Variants in AFF3 observed in about 807,000 individuals in gnomAD.
AFF3 encodes ALF transcription elongation factor 3.
In AFF3, 32 loss-of-function variants were observed where a neutral mutation model predicts 129.7. The observed-to-expected ratio is 0.25, with a 90% CI of 0.19 to 0.33. The LOEUF is 0.33. AFF3 is among the 10% of genes least tolerant of loss of function. The probability of loss-of-function intolerance (pLI) is 1.00; values close to 1 mark genes in which losing one functional copy is unlikely to be tolerated. For synonymous variants in AFF3, 644 were observed against 635.4 expected (o/e 1.01, Z -0.20); for missense variants, 1,373 against 1,592.0 (o/e 0.86, Z 2.34).
At chr2:99,751,255 G>A (rs1476401595) in intron 9 of AFF3, among the ~76,000 whole-genome samples, 2 of 152,068 alleles carry the variant, frequency 1.3e-5, no homozygotes, top group South Asian at 2.1e-4. Context: ...CACCATGCCT[G>A]GCTAATTTTG....
chr2:99,574,097 T>C (rs1043206709), intron 18 of AFF3, among the ~76,000 whole-genome samples: 3 of 152,236 alleles, frequency 2.0e-5, no homozygotes, highest in African/African-American at 7.2e-5. Flanking sequence ...TTACAGCTCA[T>C]GGCTTTGCAC....
chr2:99,858,316 G>C (rs1180169045), intron 7 of AFF3, among the ~76,000 whole-genome samples: 6 of 151,700 alleles, frequency 4.0e-5, no homozygotes, highest in African/African-American at 9.7e-5. Context: ...GAGGCTGAGG[G>C]GGGCGGATTG....
chr2:99,593,528 G>T lies in AFF3; in HGVS notation c.2133C>A (p.Ala711=), dbSNP rs763611422. 6.2e-7 allele frequency: 1 copy of T among 1,613,062 alleles called. No individual in the cohort carries two copies. Among genetic ancestry groups the T allele is most frequent in the Admixed American group, 1.7e-5 (1 of 59,994 alleles). The change falls in exon 15 of 25, where the codon GCC becomes GCA. Residue 711 remains alanine (A), a synonymous_variant. Coordinates refer to ENST00000672756, the MANE Select transcript of AFF3 (RefSeq NM_001386135.1). ...TAGGACCACTGCCCCCGTTGGCAGC[G>T]GCCTCCTTCAGCCTCTGATCATTCC... ...SSGNDQRLKE[A]AANGGSGPRA...
intron 11 of AFF3, among the ~76,000 whole-genome samples, chr2:99,682,418 G>A (rs1422797461): frequency 6.6e-6 from 1 of 152,158 alleles, no homozygotes; most frequent in Non-Finnish European, 1.5e-5. Flanking sequence ...CAACGCCTAG[G>A]ATAAGGCATA....
intron 4 of AFF3, among the ~76,000 whole-genome samples, chr2:100,062,962 C>T (rs1378481780): frequency 6.6e-6 from 1 of 152,004 alleles, no homozygotes. Flanking sequence ...CAAAAATGAC[C>T]AGGCAGGGCT....
intron 1 of AFF3, among the ~76,000 whole-genome samples, chr2:100,137,087 TACAA>T (rs1692668348): frequency 6.6e-6 from 1 of 152,350 alleles, no homozygotes; most frequent in South Asian, 2.1e-4. Flanking sequence ...TTACTGCTGA[TACAA>T]ACAGATTGCA....
intron 13 of AFF3, among the ~76,000 whole-genome samples, chr2:99,629,545 C>T (rs978760285): frequency 6.0e-4 from 92 of 152,268 alleles, no homozygotes; most frequent in African/African-American, 2.1e-3. Context: ...TTACATAGAC[C>T]CTCCGACTGT....
rs1326827935 is a variant in AFF3 at position 99,909,693 on chromosome 2, A to C, written c.874-72169T>G. 3.9e-5 allele frequency among the ~76,000 whole-genome samples: 6 copies of C among 152,264 alleles called. 1 individual carries two copies. In the Middle Eastern group the frequency reaches 0.01, roughly 259 times the overall value. ...TTTGGGTCTCGGTATAGGCCATGTC[A>C]GCTGCACAGTGAAAACCAAGAATGT... On this transcript the variant is annotated intron_variant, in intron 7 of 24. Coordinates refer to ENST00000672756, the MANE Select transcript of AFF3 (RefSeq NM_001386135.1).
chr2:99,632,965 T>C (rs1263843506), intron 13 of AFF3, among the ~76,000 whole-genome samples: 1 of 152,160 alleles, frequency 6.6e-6, no homozygotes, highest in African/African-American at 2.4e-5. Context: ...AAACGGAGTG[T>C]TTGACTTTAT....
chr2:99,951,153 T>A, intron 7 of AFF3, among the ~76,000 whole-genome samples: 1 of 152,370 alleles, frequency 6.6e-6, no homozygotes, highest in East Asian at 1.9e-4. Flanking sequence ...AATCAAGTCA[T>A]AATTATTTAT....
chr2:99,635,178 A>C (rs4553868), intron 13 of AFF3, among the ~76,000 whole-genome samples: 1 of 151,518 alleles, frequency 6.6e-6, no homozygotes, highest in Admixed American at 6.6e-5. Context: ...ACATATCTCT[A>C]TATATGATAT....
At position 99,593,290 on chromosome 2, in the gene AFF3, C is replaced by T. The variant is rs200976815; in HGVS notation, c.2371G>A (p.Ala791Thr). ...CTCTCAGAGTCCTTGGTGGCAGGGG[C>T]GCTCAATACCCCTGGCTCCTGGGGC... ...HLPQEPGVLS[A>T]PATKDSESAP... The change falls in exon 15 of 25, where the codon GCC (alanine) becomes ACC (threonine). Residue 791 changes from alanine (A) to threonine (T), a missense_variant. By Grantham distance (58) the Ala-to-Thr change is moderately conservative. Around this residue, in one of 9 missense-constraint regions of AFF3, gnomAD observed 466 missense variants for 505.0 expected, o/e 0.92. Transcript: ENST00000672756. 1.1e-4 allele frequency: 183 copies of T among 1,613,912 alleles called. 1 individual carries two copies. In the East Asian group the frequency reaches 3.7e-3, roughly 32 times the overall value.
chr2:99,724,958 A>T (rs1365079823), intron 11 of AFF3, among the ~76,000 whole-genome samples: 1 of 151,912 alleles, frequency 6.6e-6, no homozygotes, highest in Non-Finnish European at 1.5e-5. Context: ...TTCCTCAGAC[A>T]ACTTACCTAT....
intron 11 of AFF3, among the ~76,000 whole-genome samples, chr2:99,693,421 T>C (rs1310297094): frequency 6.6e-6 from 1 of 152,186 alleles, no homozygotes; most frequent in Non-Finnish European, 1.5e-5. Flanking sequence ...ATGGAAATAG[T>C]TGATATACTA....
Position 99,976,979 on chromosome 2 carries a change from T to C in AFF3, c.873+29653A>G, listed in dbSNP as rs374806760. ...TGAAGGGTACTCAGAGAGAGGATGA[T>C]TGCCAAAGAAAATGGTCTTTGAACC... is the stretch of plus-strand genomic sequence containing the variant. On this transcript the variant is annotated intron_variant, in intron 7 of 24. Transcript: ENST00000672756. Among the ~76,000 whole-genome samples, 6 of 152,296 alleles carry C rather than the reference T, an allele frequency of 3.9e-5. No homozygotes were observed. In the East Asian group the frequency reaches 9.6e-4, roughly 24 times the overall value.
intron 4 of AFF3, among the ~76,000 whole-genome samples, chr2:100,088,330 G>T (rs1323925204): frequency 2.0e-5 from 3 of 152,044 alleles, no homozygotes; most frequent in Non-Finnish European, 4.4e-5. Context: ...CGAGGTCACA[G>T]GATACAAAAT....
chr2:100,044,631 T>C (rs571458677), intron 4 of AFF3, among the ~76,000 whole-genome samples: 36 of 152,256 alleles, frequency 2.4e-4, no homozygotes, highest in Middle Eastern at 3.4e-3. Context: ...GACAGATGCT[T>C]GCTGGTTCAC....
chr2:99,575,083 GAATT>G (rs1403269007), intron 18 of AFF3, among the ~76,000 whole-genome samples: 1 of 152,108 alleles, frequency 6.6e-6, no homozygotes, highest in African/African-American at 2.4e-5. Context: ...GAAGAACTGA[GAATT>G]AATTAATCAT....
chr2:99,752,169 G>T, intron 9 of AFF3, 52 bp downstream of exon 9: 2 of 1,496,888 alleles, frequency 1.3e-6, no homozygotes, highest in East Asian at 4.5e-5. Context: ...CTGCCCACTA[G>T]AAATGCCTGC....
Sources: allele counts gnomAD v4.1 joint callset (sites outside exome capture counted in the v4.1 genomes callset), GRCh38; gene constraint gnomAD v4.1.1; regional missense constraint gnomAD v4.1.1; transcripts MANE v1.5; gene names NCBI Gene and HGNC (gene_info 2026-07-23, HGNC 2026-07-21).